SATB2: variants seen among roughly 807,000 people sequenced by gnomAD.
SATB2 encodes DNA-binding protein SATB2.
SATB2 carries 1 observed loss-of-function variant against 73.4 expected under a neutral mutation model. The observed-to-expected ratio is 0.01, with a 90% CI of 0.00 to 0.06. SATB2 has a LOEUF of 0.06. Among genes scored for constraint, SATB2 ranks in the 10% least tolerant of loss-of-function variants. The probability of loss-of-function intolerance (pLI) is 1.00; values close to 1 mark genes in which losing one functional copy is unlikely to be tolerated. For missense variants in SATB2, 459 were observed against 945.8 expected, an observed-to-expected ratio of 0.49 and a Z score of 6.75; for synonymous variants, 397 against 367.0, an observed-to-expected ratio of 1.08 and a Z score of -0.93.
intron 5 of SATB2, among the ~76,000 whole-genome samples, chr2:199,375,776 C>CCTCA (rs1427359355): frequency 6.6e-6 from 1 of 152,146 alleles, no homozygotes; most frequent in Non-Finnish European, 1.5e-5. Context: ...GTACTGGATG[C>CCTCA]CTCACTCTCT....
intron 6 of SATB2, among the ~76,000 whole-genome samples, chr2:199,363,652 A>T (rs1219433667): frequency 1.3e-5 from 2 of 152,228 alleles, no homozygotes; most frequent in Non-Finnish European, 2.9e-5. Flanking sequence ...TCTCATCACA[A>T]AAAATGTCAA....
At chr2:199,369,907 C>A (rs916195685) in intron 5 of SATB2, among the ~76,000 whole-genome samples, 2 of 152,118 alleles carry the variant, frequency 1.3e-5, no homozygotes, top group Non-Finnish European at 2.9e-5. Flanking sequence ...ACCTCTTTCG[C>A]AGATGGTTAG....
chr2:199,309,603 C>T (rs1008479126), intron 9 of SATB2, among the ~76,000 whole-genome samples: 1 of 152,202 alleles, frequency 6.6e-6, no homozygotes, highest in African/African-American at 2.4e-5. Context: ...CAAATGTCTG[C>T]TTCCAAAATC....
Position 199,272,735 on chromosome 2 carries a change from A to G in SATB2, c.1741-63T>C, listed in dbSNP as rs1692199287. 6.9e-7 allele frequency: 1 copy of G among 1,440,630 alleles called. No individual in the cohort carries two copies. Among genetic ancestry groups the G allele is most frequent in the Non-Finnish European group, 9.8e-7 (1 of 1,022,616 alleles). The allele number at this position is 1,440,630 out of a possible 1,614,324, so 89.2% of individuals were successfully genotyped here. ...ATGATTTTACCTTTCCAAAACCATC[A>G]GCCCTCTGAAATATGTGTTATCTAT... On this transcript the variant is annotated intron_variant, in intron 10 of 10. Transcript: ENST00000417098. This position sits in a 1 kb window ranked among gnomAD's most constrained non-coding sequence, Gnocchi z 6.7.
intron 2 of SATB2, among the ~76,000 whole-genome samples, chr2:199,442,429 CA>C: frequency 6.6e-6 from 1 of 152,174 alleles, no homozygotes; most frequent in East Asian, 1.9e-4. Context: ...CATGCTGCAC[CA>C]TGCTCTGTAT....
chr2:199,279,815 G>C (rs1281700948), intron 10 of SATB2, among the ~76,000 whole-genome samples: 1 of 152,160 alleles, frequency 6.6e-6, no homozygotes, highest in African/African-American at 2.4e-5. Context: ...ATCCAAAAAA[G>C]GAAAGCATTA....
At chr2:199,279,621 C>T (rs1324632327) in intron 10 of SATB2, among the ~76,000 whole-genome samples, 1 of 152,118 alleles carries the variant, frequency 6.6e-6, no homozygotes, top group African/African-American at 2.4e-5. Flanking sequence ...CCCAGGTGGT[C>T]ACGTCTGTCT....
chr2:199,341,382 G>C (rs1000781711), intron 7 of SATB2, among the ~76,000 whole-genome samples: 10 of 152,196 alleles, frequency 6.6e-5, no homozygotes, highest in African/African-American at 2.4e-4. Flanking sequence ...AGGAGGAGTA[G>C]GGCCGAGAGG....
chr2:199,392,091 T>A (rs1304649908), intron 3 of SATB2, among the ~76,000 whole-genome samples: 4 of 152,148 alleles, frequency 2.6e-5, no homozygotes, highest in Non-Finnish European at 4.4e-5. Context: ...TCCTGGCCTC[T>A]GAAACAAAAG....
chr2:199,299,096 T>C (rs1574483994), intron 10 of SATB2, among the ~76,000 whole-genome samples: 2 of 152,146 alleles, frequency 1.3e-5, no homozygotes, highest in East Asian at 3.9e-4. Flanking sequence ...ACCAAGTAAA[T>C]AAGGTTGCTA....
intron 10 of SATB2, among the ~76,000 whole-genome samples, chr2:199,304,535 A>C (rs1687376982): frequency 6.6e-6 from 1 of 152,102 alleles, no homozygotes; most frequent in African/African-American, 2.4e-5. Context: ...TGAAATTTTA[A>C]TACCAGAGAG....
At chr2:199,460,729 A>G (rs1446222579), upstream of SATB2, among the ~76,000 whole-genome samples, 2 of 152,252 alleles carry the variant, frequency 1.3e-5, no homozygotes, top group Admixed American at 1.3e-4. This position sits in a 1 kb window ranked among gnomAD's most constrained non-coding sequence, Gnocchi z 4.0. Flanking sequence ...TTGTGTCAAC[A>G]GCATGATTTG....
intron 7 of SATB2, among the ~76,000 whole-genome samples, chr2:199,346,243 G>A (rs1340232587): frequency 6.6e-6 from 1 of 151,262 alleles, no homozygotes; most frequent in African/African-American, 2.4e-5. Flanking sequence ...TCCACCTCCT[G>A]GGTTCAAGTG....
rs1309943362 is a variant in SATB2 at position 199,386,694 on chromosome 2, AAGCGCGCGCGCGCG to A, written c.347-4888_347-4875del. Among the ~76,000 whole-genome samples, 18 of 142,926 alleles carry A rather than the reference AAGCGCGCGCGCGCG, an allele frequency of 1.3e-4. No homozygotes were observed. In the East Asian group the frequency reaches 2.1e-3, roughly 17 times the overall value. 93.8% of individuals were successfully genotyped at this position (142,926 alleles called of 152,430 possible). On this transcript the variant is annotated intron_variant, in intron 3 of 10. Coordinates refer to ENST00000417098, the MANE Select transcript of SATB2 (RefSeq NM_001172509.2). The stretch of plus-strand genomic sequence containing the variant: ...TAGGAAATATTTCATACACGTGCGC[AAGCGCGCGCGCGCG>A]CGCGCGCGCACACACACACACACAC...
At chr2:199,318,591 T>C (rs1045311439) in intron 9 of SATB2, among the ~76,000 whole-genome samples, 3 of 152,086 alleles carry the variant, frequency 2.0e-5, no homozygotes, top group African/African-American at 7.3e-5. Context: ...ATATTAATAC[T>C]AACTATGTCT....
At chr2:199,366,433 C>A (rs1376636519) in intron 6 of SATB2, among the ~76,000 whole-genome samples, 2 of 152,096 alleles carry the variant, frequency 1.3e-5, no homozygotes, top group East Asian at 3.9e-4. Context: ...CAGTCCAACA[C>A]TTCCCTTTTT....
intron 3 of SATB2, among the ~76,000 whole-genome samples, chr2:199,408,627 G>A (rs1365237434): frequency 1.3e-5 from 2 of 150,374 alleles, no homozygotes; most frequent in Non-Finnish European, 2.9e-5. Context: ...CAACATGAAA[G>A]GAGAGAAAAG....
intron 9 of SATB2, among the ~76,000 whole-genome samples, chr2:199,320,177 A>C (rs1687846745): frequency 6.6e-6 from 1 of 152,050 alleles, no homozygotes; most frequent in Non-Finnish European, 1.5e-5. Context: ...TTTGTATGTG[A>C]GGGTCAGACT....
chr2:199,300,777 C>A (rs1220799331), intron 10 of SATB2, among the ~76,000 whole-genome samples: 1 of 151,978 alleles, frequency 6.6e-6, no homozygotes, highest in Non-Finnish European at 1.5e-5. Context: ...AGAAACATAG[C>A]AATAATGGAA....
Sources: allele counts gnomAD v4.1 joint callset (sites outside exome capture counted in the v4.1 genomes callset), GRCh38; gene constraint gnomAD v4.1.1; non-coding constraint Gnocchi (gnomAD v3.1); transcripts MANE v1.5; gene names NCBI Gene and HGNC (gene_info 2026-07-23, HGNC 2026-07-21).